The following GPC5 variants were observed in gnomAD, a reference collection of about 807,000 sequenced individuals.
GPC5 encodes glypican 5, also known as glypican-5.
Under a neutral mutation model 53.9 loss-of-function variants are expected in GPC5, and 47 were observed. The observed-to-expected ratio is 0.87, with a 90% CI of 0.69 to 1.11. GPC5 has a LOEUF of 1.11. Among genes scored for constraint, GPC5 ranks in the 50% most tolerant of loss-of-function variants. The pLI, the probability that GPC5 is intolerant of heterozygous loss-of-function variation, is 0.00. For synonymous variants in GPC5, 286 were observed against 263.3 expected (o/e 1.09, Z -0.84); for missense variants, 748 against 713.1 (o/e 1.05, Z -0.56).
At chr13:91,945,360 A>G (rs2039964831) in intron 6 of GPC5, among the ~76,000 whole-genome samples, 1 of 152,154 alleles carries the variant, frequency 6.6e-6, no homozygotes, top group African/African-American at 2.4e-5. Context: ...CTTTCTGGCT[A>G]TCTCTTCCCC....
chr13:92,840,333 C>T (rs1327166049), intron 7 of GPC5, among the ~76,000 whole-genome samples: 1 of 151,608 alleles, frequency 6.6e-6, no homozygotes, highest in African/African-American at 2.4e-5. Flanking sequence ...GTGAATAGTG[C>T]TGCTATGAAC....
chr13:91,519,465 G>T (rs567523619), intron 2 of GPC5, among the ~76,000 whole-genome samples: 2 of 152,022 alleles, frequency 1.3e-5, no homozygotes, highest in Non-Finnish European at 2.9e-5. Flanking sequence ...GTTCTCATGA[G>T]AGTGAGTGAG....
intron 5 of GPC5, among the ~76,000 whole-genome samples, chr13:91,813,229 T>G (rs1305479440): frequency 1.3e-5 from 2 of 152,194 alleles, no homozygotes; most frequent in African/African-American, 4.8e-5. Context: ...TTTTATAAAT[T>G]TATTTGTTGC....
intron 7 of GPC5, among the ~76,000 whole-genome samples, chr13:92,174,174 A>G (rs976319583): frequency 1.3e-5 from 2 of 151,876 alleles, no homozygotes; most frequent in Non-Finnish European, 2.9e-5. Flanking sequence ...TCTTTACGTC[A>G]TTAAAAAAAT....
chr13:91,881,894 C>A (rs1351148704), intron 5 of GPC5, among the ~76,000 whole-genome samples: 4 of 152,124 alleles, frequency 2.6e-5, no homozygotes, highest in African/African-American at 9.7e-5. Context: ...TCTGGATAAA[C>A]CTAATCTAAT....
intron 7 of GPC5, among the ~76,000 whole-genome samples, chr13:92,249,366 C>T (rs1163044566): frequency 6.6e-6 from 1 of 152,008 alleles, no homozygotes; most frequent in Non-Finnish European, 1.5e-5. Context: ...ACAGATGCTA[C>T]GGAGGCCAAT....
chr13:91,752,949 G>T (rs1235488089), intron 4 of GPC5, among the ~76,000 whole-genome samples: 1 of 152,206 alleles, frequency 6.6e-6, no homozygotes, highest in Admixed American at 6.5e-5. Flanking sequence ...AAATTTGAAA[G>T]TAGCATTCTG....
At chr13:91,647,329 C>G (rs908850937) in intron 2 of GPC5, among the ~76,000 whole-genome samples, 1 of 152,088 alleles carries the variant, frequency 6.6e-6, no homozygotes, top group Non-Finnish European at 1.5e-5. Flanking sequence ...CACGCTTGAC[C>G]CTGTTATTAA....
intron 6 of GPC5, among the ~76,000 whole-genome samples, chr13:91,975,183 GCAATA>G (rs2040286715): frequency 6.6e-6 from 1 of 151,986 alleles, no homozygotes; most frequent in African/African-American, 2.4e-5. Flanking sequence ...GAAAACCTAG[GCAATA>G]CCATTCAGGA....
At chr13:92,744,603 A>C (rs1277973167) in intron 7 of GPC5, among the ~76,000 whole-genome samples, 1 of 152,030 alleles carries the variant, frequency 6.6e-6, no homozygotes, top group Non-Finnish European at 1.5e-5. Context: ...GAGATAGGAT[A>C]ATGAGCAAAA....
chr13:92,012,129 T>C (rs2040667295), intron 6 of GPC5, among the ~76,000 whole-genome samples: 1 of 152,222 alleles, frequency 6.6e-6, no homozygotes, highest in African/African-American at 2.4e-5. Flanking sequence ...TTTAGTCAAA[T>C]ATATTTTATT....
At chr13:92,245,072 T>C (rs1358521486) in intron 7 of GPC5, among the ~76,000 whole-genome samples, 1 of 151,222 alleles carries the variant, frequency 6.6e-6, no homozygotes, top group Non-Finnish European at 1.5e-5. Flanking sequence ...ATTGTCCTTC[T>C]GGTTAAATGT....
At chr13:91,505,350 T>C (rs1381271948) in intron 2 of GPC5, among the ~76,000 whole-genome samples, 1 of 152,130 alleles carries the variant, frequency 6.6e-6, no homozygotes, top group East Asian at 1.9e-4. Flanking sequence ...GAATAATAAT[T>C]GGATGATTAC....
intron 3 of GPC5, among the ~76,000 whole-genome samples, chr13:91,698,167 A>G (rs2035922091): frequency 6.6e-6 from 1 of 152,108 alleles, no homozygotes; most frequent in Admixed American, 6.6e-5. Context: ...TCCCAAGGTC[A>G]GAATCATAAT....
At chr13:91,407,941 G>A (rs546740543) in intron 1 of GPC5, among the ~76,000 whole-genome samples, 2 of 152,128 alleles carry the variant, frequency 1.3e-5, no homozygotes, top group East Asian at 1.9e-4. Flanking sequence ...ATAAAATTGG[G>A]TGTATTTACC....
chr13:92,298,666 G>C (rs984239303), intron 7 of GPC5, among the ~76,000 whole-genome samples: 1 of 152,176 alleles, frequency 6.6e-6, no homozygotes, highest in African/African-American at 2.4e-5. Context: ...GGTACTCACA[G>C]TATTTGGGGT....
chr13:92,838,967 T>G (rs1391597018), intron 7 of GPC5, among the ~76,000 whole-genome samples: 1 of 152,212 alleles, frequency 6.6e-6, no homozygotes, highest in Non-Finnish European at 1.5e-5. Flanking sequence ...TCACTATCAC[T>G]TTCACAACTG....
chr13:92,138,275 C>A (rs1311182701), intron 6 of GPC5, among the ~76,000 whole-genome samples: 1 of 152,120 alleles, frequency 6.6e-6, no homozygotes, highest in East Asian at 1.9e-4. Flanking sequence ...AATCCCAGCA[C>A]TTTGGGATGC....
At chr13:92,697,601 C>T (rs550517753) in intron 7 of GPC5, among the ~76,000 whole-genome samples, 33 of 152,200 alleles carry the variant, frequency 2.2e-4, no homozygotes, top group African/African-American at 4.1e-4. Context: ...TGGGCTGAGA[C>T]GAAAGGGTTT....
Sources: gnomAD v4.1 joint callset for allele counts (sites outside exome capture counted in the v4.1 genomes callset) on GRCh38, gnomAD v4.1.1 for gene constraint, MANE v1.5 for transcripts, NCBI Gene and HGNC (gene_info 2026-07-23, HGNC 2026-07-21) for gene names.